ZNF304: variants seen among roughly 807,000 people sequenced by gnomAD.
ZNF304 encodes the protein zinc finger protein 304, also known as KRAB-containing zinc finger protein.
In ZNF304, 7 loss-of-function variants were observed where a neutral mutation model predicts 7.8. That is an observed-to-expected ratio of 0.90 (90% CI 0.51 to 1.69). The LOEUF is 1.69. Among genes scored for constraint, ZNF304 ranks in the 40% most tolerant of loss-of-function variants. ZNF304 has a pLI of 0.00. For missense variants in ZNF304, 669 were observed against 804.8 expected, an observed-to-expected ratio of 0.83 and a Z score of 2.04; for synonymous variants, 280 against 272.4, an observed-to-expected ratio of 1.03 and a Z score of -0.27.
At position 57,356,224 on chromosome 19, in the gene ZNF304, C is replaced by T. The variant is rs370744975; in HGVS notation, c.355C>T (p.Arg119Cys). Residue 119 changes from arginine to cysteine, a missense_variant, in exon 3 of 3, where the codon CGT becomes TGT. Arg to Cys is a radical substitution (Grantham distance 180). Coordinates refer to ENST00000282286, the MANE Select transcript of ZNF304 (RefSeq NM_020657.4). ...ACACCTTACACAGAAACTGTGCACA[C>T]GTGGGCTGTGTAGGAGAAGATTCTC... Reference protein sequence around the residue: ...GSHLTQKLCTRGLCRRRFSFS... With the variant: ...GSHLTQKLCTCGLCRRRFSFS... The T allele has an allele frequency of 6.8e-5, 109 of 1,614,078 alleles. No individual in the cohort carries two copies. The highest frequency in any genetic ancestry group is 1.8e-4 in the East Asian group (8 of 44,900).
Position 57,351,769 on chromosome 19 carries a change from A to ACC in ZNF304, c.33+73_33+74insCC. Reference sequence around the variant, plus strand: ...CCTGGGATGTTCGCTCTCATCGCGCACTTCAGGGTGCTCACTCCGTCGCAT... The same window carrying ACC: ...CCTGGGATGTTCGCTCTCATCGCGCACCCTTCAGGGTGCTCACTCCGTCGCAT... On this transcript the variant is annotated intron_variant, in intron 1 of 2. Coordinates refer to ENST00000282286, the MANE Select transcript of ZNF304 (RefSeq NM_020657.4). The surrounding 1 kb of genome is among the most constrained non-coding windows in gnomAD (Gnocchi z 4.1). 1 of 1,513,728 alleles carries ACC rather than the reference A, an allele frequency of 6.6e-7. No individual in the cohort carries two copies. The highest frequency in any genetic ancestry group is 9.0e-7 in the Non-Finnish European group (1 of 1,114,344). The allele number at this position is 1,513,728 out of a possible 1,614,324, so 93.8% of individuals were successfully genotyped here.
At chr19:57,355,912 C>A in intron 2 of ZNF304, 118 bp from the exon 3 acceptor site, 1 of 1,159,938 alleles carries the variant, frequency 8.6e-7, no homozygotes, top group Non-Finnish European at 1.2e-6. Flanking sequence ...TGATCCTGGC[C>A]CTCTTGTCCT....
chr19:57,357,189 C>T lies in ZNF304; in HGVS notation c.1320C>T (p.Val440=), dbSNP rs2088355496. The T allele has an allele frequency of 1.2e-6, 2 of 1,613,658 alleles. No homozygotes were observed. Among genetic ancestry groups the T allele is most frequent in the African/African-American group, 2.7e-5 (2 of 74,856 alleles). ...HNSSLIKHRR[V]HTGARSYVCS... ...CTAGCCTCATTAAACATCGGAGAGT[C>T]CACACAGGAGCAAGATCCTACGTGT... Residue 440 remains valine, a synonymous_variant, in exon 3 of 3, where the codon GTC becomes GTT. Transcript: ENST00000282286.
intron 2 of ZNF304, among the ~76,000 whole-genome samples, chr19:57,354,606 G>A (rs1002300288): frequency 6.6e-6 from 1 of 152,212 alleles, no homozygotes; most frequent in Non-Finnish European, 1.5e-5. Flanking sequence ...ACCTAATCTT[G>A]AAAGTGTCAT....
chr19:57,355,316 GA>G (rs2088321191), intron 2 of ZNF304: 1 of 765,230 alleles, frequency 1.3e-6, no homozygotes, highest in Non-Finnish European at 2.4e-6. Flanking sequence ...GGAGGGGGCA[GA>G]AAACCTTGGG....
chr19:57,353,916 A>G, intron 2 of ZNF304, 65 bp downstream of exon 2: 2 of 1,279,420 alleles, frequency 1.6e-6, no homozygotes, highest in South Asian at 3.6e-5. Context: ...GTAACTGCAA[A>G]CAATAAAAAT....
At position 57,356,310 on chromosome 19, in the gene ZNF304, G is replaced by T; in HGVS notation, c.441G>T (p.Gly147=). The T allele has an allele frequency of 6.2e-7, 1 of 1,614,180 alleles. No individual in the cohort carries two copies. The change falls in exon 3 of 3, where the codon GGG becomes GGT. Residue 147 remains glycine, a synonymous_variant. Transcript: ENST00000282286. ...KQHNGENCFR[G]DDGGASFVKS... ...ATAATGGAGAGAATTGCTTCAGAGG[G>T]GATGATGGAGGGGCCTCATTTGTGA...
In ZNF304 at chr19:57,357,636, C is replaced by T. The variant is rs143660112; in HGVS notation, c.1767C>T (p.Cys589=). ...ACACTGGAGCAAGACCTTATGAGTG[C>T]AGTGAATGTGGGAAATTCTTTAGCC... ...KVHTGARPYE[C]SECGKFFSRN... Residue 589 remains cysteine, a synonymous_variant, in exon 3 of 3, where the codon TGC becomes TGT. Transcript: ENST00000282286. The T allele has an allele frequency of 7.2e-5, 116 of 1,614,050 alleles. No individual in the cohort carries two copies. The highest frequency in any genetic ancestry group is 7.1e-5 in the Non-Finnish European group (84 of 1,179,998).
rs1414022270 is a variant in ZNF304, at chr19:57,359,764, G to T, written c.*1915G>T. 1.3e-5 allele frequency: 2 copies of T among 152,152 alleles called. No individual in the cohort carries two copies. Among genetic ancestry groups the T allele is most frequent in the African/African-American group, 2.4e-5 (1 of 41,424 alleles). 9.4% of individuals were successfully genotyped at this position (152,152 alleles called of 1,614,324 possible). A position where few individuals can be genotyped will look rare whatever the true frequency, so the allele number is the denominator to read the frequency against. The stretch of plus-strand genomic sequence containing the variant: ...GCATGAATCAATTGTTTGCTCATTT[G>T]TATTGCTGCGTAGTATTTCAGTATT... On this transcript the variant is annotated 3_prime_UTR_variant, in exon 3 of 3. Coordinates refer to ENST00000282286, the MANE Select transcript of ZNF304 (RefSeq NM_020657.4).
rs1300888741 is a variant in ZNF304 at position 57,357,854 on chromosome 19, A to G, written c.*5A>G. 6.3e-7 allele frequency: 1 copy of G among 1,580,306 alleles called. No homozygotes were observed. Among genetic ancestry groups the G allele is most frequent in the Non-Finnish European group, 8.6e-7 (1 of 1,167,120 alleles). ...GCATCTCTTAAACTTGTTTAACACC[A>G]GAAAATTCACACAAGAGAAAGGCCT... On this transcript the variant is annotated 3_prime_UTR_variant, in exon 3 of 3. Transcript: ENST00000282286.
chr19:57,355,375 A>G (rs1395813988), intron 2 of ZNF304: 1 of 765,352 alleles, frequency 1.3e-6, no homozygotes, highest in South Asian at 1.3e-5. Flanking sequence ...GGAGACCTAC[A>G]GAGGGCATGG....
Position 57,356,262 on chromosome 19 carries a change from C to G in ZNF304, c.393C>G (p.Asn131Lys). The G allele has an allele frequency of 6.2e-7, 1 of 1,614,194 alleles. No homozygotes were observed. Residue 131 changes from asparagine to lysine, a missense_variant, in exon 3 of 3, where the codon AAC becomes AAG. Asn to Lys is a moderately conservative substitution (Grantham distance 94). Coordinates refer to ENST00000282286, the MANE Select transcript of ZNF304 (RefSeq NM_020657.4). The stretch of plus-strand genomic sequence containing the variant: ...GGAGAAGATTCTCGTTCAGTGCAAA[C>G]TTTTACCAGCACCAGAAGCAACATA... ...LCRRRFSFSANFYQHQKQHNG... is the reference protein window; with the variant it reads ...LCRRRFSFSAKFYQHQKQHNG...
rs1568518697 is a variant in ZNF304, at chr19:57,356,082, A to G, written c.213A>G (p.Val71=). 1 of 1,614,130 alleles carries G rather than the reference A, an allele frequency of 6.2e-7. No homozygotes were observed. Among genetic ancestry groups the G allele is most frequent in the South Asian group, 1.1e-5 (1 of 91,082 alleles). The change falls in exon 3 of 3, where the codon GTA becomes GTG. Residue 71 remains valine, a synonymous_variant. Transcript: ENST00000282286. ...HEAPSEQSVS[V]EGVSQVRTAE... is the part of the protein sequence containing the mutation. ...CACCTTCTGAGCAGAGCGTTTCTGT[A>G]GAAGGAGTGTCACAGGTCAGGACTG...
chr19:57,355,955 G>T, intron 2 of ZNF304, 75 bp from the exon 3 acceptor site: 1 of 1,510,190 alleles, frequency 6.6e-7, no homozygotes, highest in African/African-American at 1.4e-5. Flanking sequence ...ACTGGTGTTA[G>T]ACACACATTT....
At position 57,356,957 on chromosome 19, in the gene ZNF304, A is replaced by G. The variant is rs373132815; in HGVS notation, c.1088A>G (p.Tyr363Cys). Residue 363 changes from tyrosine (Y) to cysteine (C), a missense_variant, in exon 3 of 3, where the codon TAT becomes TGT. Tyr to Cys is a radical substitution (Grantham distance 194). Coordinates refer to ENST00000282286, the MANE Select transcript of ZNF304 (RefSeq NM_020657.4). ...HQRIHTGERP[Y>C]KCNKCGKAFS... ...AGAATTCACACAGGAGAAAGGCCTT[A>G]TAAGTGCAACAAATGTGGGAAAGCC... 5.0e-6 allele frequency: 8 copies of G among 1,605,422 alleles called. No homozygotes were observed. The highest frequency in any genetic ancestry group is 6.8e-6 in the Non-Finnish European group (8 of 1,172,898).
chr19:57,356,983 T>C lies in ZNF304; in HGVS notation c.1114T>C (p.Phe372Leu). ...TAAGTGCAACAAATGTGGGAAAGCC[T>C]TTAGCCGTAAAGACACACTTGTTCA... is the stretch of plus-strand genomic sequence containing the variant. ...PYKCNKCGKA[F>L]SRKDTLVQHQ... Residue 372 changes from phenylalanine to leucine, a missense_variant, in exon 3 of 3, where the codon TTT (phenylalanine) becomes CTT (leucine). Phe to Leu is a conservative substitution (Grantham distance 22). Transcript: ENST00000282286. 1 of 1,605,920 alleles carries C rather than the reference T, an allele frequency of 6.2e-7. No individual in the cohort carries two copies. The highest frequency in any genetic ancestry group is 8.5e-7 in the Non-Finnish European group (1 of 1,173,382).
rs745593182 is a variant in ZNF304, at chr19:57,357,783, T to G, written c.1914T>G (p.Thr638=). The stretch of plus-strand genomic sequence containing the variant: ...TTGTTCGTCACCAGAAAGCTCACAC[T>G]GGAGAAAGAGCTCACGAGTGCAACA... ...SHLVRHQKAH[T]GERAHECNSF... The change falls in exon 3 of 3, where the codon ACT becomes ACG. Residue 638 remains threonine, a synonymous_variant. Transcript: ENST00000282286. 3.1e-6 allele frequency: 5 copies of G among 1,614,016 alleles called. No individual in the cohort carries two copies. The South Asian group carries it at 5.5e-5, about 18-fold the overall frequency.
At chr19:57,353,661 C>T in intron 1 of ZNF304, 64 bp from the exon 2 acceptor site, 1 of 1,540,792 alleles carries the variant, frequency 6.5e-7, no homozygotes, top group Non-Finnish European at 8.8e-7. Flanking sequence ...AGTGTGTAGA[C>T]TGGGGAGGAG....
rs530949998 is a variant in ZNF304, at chr19:57,357,863, A to C, written c.*14A>C. The C allele has an allele frequency of 1.4e-5, 22 of 1,575,842 alleles. No individual in the cohort carries two copies. In the South Asian group the frequency reaches 2.5e-4, roughly 18 times the overall value. On this transcript the variant is annotated 3_prime_UTR_variant, in exon 3 of 3. Coordinates refer to ENST00000282286, the MANE Select transcript of ZNF304 (RefSeq NM_020657.4). ...AAACTTGTTTAACACCAGAAAATTC[A>C]CACAAGAGAAAGGCCTTATGAATGC...
Sources: allele counts gnomAD v4.1 joint callset (sites outside exome capture counted in the v4.1 genomes callset), GRCh38; gene constraint gnomAD v4.1.1; non-coding constraint Gnocchi (gnomAD v3.1); transcripts MANE v1.5; gene names NCBI Gene and HGNC (gene_info 2026-07-23, HGNC 2026-07-21).